The following TNS3 variants were observed in gnomAD, a reference collection of about 807,000 sequenced individuals.
TNS3 encodes tensin-3.
In TNS3, 45 loss-of-function variants were observed where a neutral mutation model predicts 140.9. The observed-to-expected ratio is 0.32, with a 90% CI of 0.25 to 0.41. The LOEUF is 0.41. TNS3 is among the 10% of genes least tolerant of loss of function. TNS3 has a pLI of 1.00. For missense variants in TNS3, 1,716 were observed against 1,906.7 expected (o/e 0.90, Z 1.86); for synonymous variants, 815 against 788.4 (o/e 1.03, Z -0.56).
intron 10 of TNS3, among the ~76,000 whole-genome samples, chr7:47,420,981 A>C (rs1794345376): frequency 6.6e-6 from 1 of 152,134 alleles, no homozygotes; most frequent in Admixed American, 6.5e-5. Context: ...TCAAAGGGAC[A>C]CCCAAATGTG....
chr7:47,510,297 A>C (rs1435071216), intron 2 of TNS3, among the ~76,000 whole-genome samples: 1 of 152,158 alleles, frequency 6.6e-6, no homozygotes, highest in Non-Finnish European at 1.5e-5. Context: ...TTCGCACCAA[A>C]ATCCATCTCT....
intron 27 of TNS3, among the ~76,000 whole-genome samples, chr7:47,286,849 T>C (rs1785445596): frequency 6.6e-6 from 1 of 152,146 alleles, no homozygotes; most frequent in Non-Finnish European, 1.5e-5. Context: ...GTAAAAACCA[T>C]GGGTAAACTT....
chr7:47,382,004 G>C (rs193038580), intron 16 of TNS3, among the ~76,000 whole-genome samples: 1 of 152,292 alleles, frequency 6.6e-6, no homozygotes, highest in East Asian at 1.9e-4. Flanking sequence ...CCTGAGCACC[G>C]GGGTCTTTCC....
chr7:47,306,638 G>A (rs2150738092), intron 20 of TNS3, among the ~76,000 whole-genome samples: 1 of 151,958 alleles, frequency 6.6e-6, no homozygotes, highest in East Asian at 1.9e-4. Context: ...GCAGTGGCGT[G>A]ATCTCGACTC....
At chr7:47,453,028 G>A (rs1796089123) in intron 4 of TNS3, 1 of 985,532 alleles carries the variant, frequency 1.0e-6, no homozygotes, top group Non-Finnish European at 1.2e-6. Flanking sequence ...CTTTAGTCAA[G>A]CACACCCCTC....
At position 47,481,097 on chromosome 7, in the gene TNS3, G is replaced by C; in HGVS notation, c.-76+6C>G. On this transcript the variant is annotated splice_donor_region_variant and intron_variant, in intron 4 of 30. Coordinates refer to ENST00000311160, the MANE Select transcript of TNS3 (RefSeq NM_022748.12). The stretch of plus-strand genomic sequence containing the variant: ...CAAGGGAGCCAAAGAAATGCAAAGG[G>C]CTTACCTGTTCCAGTCGGACTTGCA... 7.8e-7 allele frequency: 1 copy of C among 1,289,764 alleles called. No homozygotes were observed. Among genetic ancestry groups the C allele is most frequent in the Non-Finnish European group, 1.0e-6 (1 of 988,846 alleles). The allele number at this position is 1,289,764 out of a possible 1,614,324, so 79.9% of individuals were successfully genotyped here. A position where few individuals can be genotyped will look rare whatever the true frequency, so the allele number is the denominator to read the frequency against.
At chr7:47,349,087 C>T (rs1175105293) in intron 17 of TNS3, among the ~76,000 whole-genome samples, 3 of 152,208 alleles carry the variant, frequency 2.0e-5, no homozygotes, top group Admixed American at 6.5e-5. Flanking sequence ...GAAACACAGG[C>T]ATTCTGTGAG....
intron 2 of TNS3, among the ~76,000 whole-genome samples, chr7:47,520,414 T>C (rs1206803971): frequency 6.6e-6 from 1 of 152,208 alleles, no homozygotes; most frequent in Non-Finnish European, 1.5e-5. Context: ...TTGGCTACAC[T>C]ACTCAGTGAG....
At chr7:47,556,036 GAC>G (rs1800186702) in intron 1 of TNS3, among the ~76,000 whole-genome samples, 1 of 152,174 alleles carries the variant, frequency 6.6e-6, no homozygotes, top group Admixed American at 6.5e-5. Flanking sequence ...TGTTCATGTG[GAC>G]ACACATACAC....
intron 27 of TNS3, among the ~76,000 whole-genome samples, chr7:47,286,277 A>G (rs182523253): frequency 6.6e-6 from 1 of 152,308 alleles, no homozygotes; most frequent in African/African-American, 2.4e-5. Flanking sequence ...AGAGTTTGGT[A>G]GCAATCTGCT....
Position 47,279,702 on chromosome 7 carries a change from C to CAAA in TNS3, c.4193+459_4193+461dup. 14 of 141,040 alleles carry CAAA rather than the reference C, an allele frequency of 9.9e-5. No homozygotes were observed. The South Asian group carries it at 1.2e-3, about 12-fold the overall frequency. 8.7% of individuals were successfully genotyped at this position (141,040 alleles called of 1,614,324 possible). ...GGGCAAAAAGAGCAAAACTCTGTCT[C>CAAA]AAAAAAAAAAAAAAACTCTAACAGC... On this transcript the variant is annotated intron_variant, in intron 30 of 30. Coordinates refer to ENST00000311160, the MANE Select transcript of TNS3 (RefSeq NM_022748.12).
At chr7:47,420,368 C>T (rs932573744) in intron 10 of TNS3, among the ~76,000 whole-genome samples, 5 of 152,150 alleles carry the variant, frequency 3.3e-5, no homozygotes, top group Admixed American at 6.5e-5. Context: ...TGATGGTCCA[C>T]GCCTATTGCA....
chr7:47,442,215 C>CT (rs1795501010), intron 4 of TNS3, among the ~76,000 whole-genome samples, 160 bp from the exon 5 acceptor site: 1 of 152,216 alleles, frequency 6.6e-6, no homozygotes, highest in Admixed American at 6.5e-5. Flanking sequence ...TCAGAAGGGT[C>CT]TACACCATGT....
At chr7:47,514,921 C>T (rs369202544) in intron 2 of TNS3, among the ~76,000 whole-genome samples, 16 of 152,220 alleles carry the variant, frequency 1.1e-4, no homozygotes, top group African/African-American at 3.6e-4. Context: ...ATATCAATGG[C>T]AACTGGACCA....
At chr7:47,388,578 T>C (rs374169806) in intron 16 of TNS3, among the ~76,000 whole-genome samples, 12 of 152,094 alleles carry the variant, frequency 7.9e-5, no homozygotes, top group African/African-American at 2.7e-4. Flanking sequence ...TAAGAAGACA[T>C]AGTAGGCCAG....
chr7:47,403,620 A>T (rs1793282151), intron 13 of TNS3, among the ~76,000 whole-genome samples: 3 of 152,124 alleles, frequency 2.0e-5, no homozygotes, highest in Admixed American at 1.3e-4. Flanking sequence ...ATGGAGGTAA[A>T]CACCACCCTC....
intron 4 of TNS3, among the ~76,000 whole-genome samples, chr7:47,458,816 C>T (rs1338247170): frequency 6.6e-6 from 1 of 152,214 alleles, no homozygotes; most frequent in Non-Finnish European, 1.5e-5. Context: ...TGAGAACCAG[C>T]TTTTTAAATA....
chr7:47,560,039 C>T (rs1214489098), intron 1 of TNS3, among the ~76,000 whole-genome samples: 4 of 152,140 alleles, frequency 2.6e-5, no homozygotes, highest in Non-Finnish European at 5.9e-5. Context: ...AAGAGCCGGC[C>T]GCGGGTCTCC....
At chr7:47,361,771 G>A (rs756086623) in intron 17 of TNS3, among the ~76,000 whole-genome samples, 7 of 152,144 alleles carry the variant, frequency 4.6e-5, no homozygotes, top group Non-Finnish European at 8.8e-5. Context: ...CCGAGTCTGG[G>A]AGGGACATTA....
Sources: gnomAD v4.1 joint callset for allele counts (sites outside exome capture counted in the v4.1 genomes callset) on GRCh38, gnomAD v4.1.1 for gene constraint, MANE v1.5 for transcripts, NCBI Gene and HGNC (gene_info 2026-07-23, HGNC 2026-07-21) for gene names.